Variants in TENM3 observed in about 807,000 individuals in gnomAD.
TENM3 encodes teneurin-3.
Under a neutral mutation model 255.1 loss-of-function variants are expected in TENM3, and 63 were observed. The observed-to-expected ratio is 0.25, with a 90% CI of 0.20 to 0.30. The LOEUF (loss-of-function observed/expected upper bound fraction) is 0.30. Ranked by LOEUF, TENM3 falls within the 10% of genes least tolerant of loss-of-function variation. TENM3 has a pLI of 1.00. For synonymous variants in TENM3, 1,306 were observed against 1,322.3 expected, an observed-to-expected ratio of 0.99 and a Z score of 0.27; for missense variants, 2,929 against 3,461.1, an observed-to-expected ratio of 0.85 and a Z score of 3.86.
the TENM3 span, among the ~76,000 whole-genome samples, chr4:181,570,705 G>A: frequency 6.6e-6 from 1 of 152,036 alleles, no homozygotes; most frequent in Non-Finnish European, 1.5e-5. Flanking sequence ...AGGCAGCGGA[G>A]TAGGTAAAGG....
At chr4:181,535,766 G>A in the TENM3 span, among the ~76,000 whole-genome samples, 1 of 152,196 alleles carries the variant, frequency 6.6e-6, no homozygotes, top group South Asian at 2.1e-4. Flanking sequence ...CTGCCAAGAT[G>A]CTCCCTGGTA....
intron 3 of TENM3, among the ~76,000 whole-genome samples, chr4:182,599,905 T>C (rs977987300): frequency 6.6e-6 from 1 of 152,256 alleles, no homozygotes; most frequent in Non-Finnish European, 1.5e-5. Context: ...AAGAGTCATC[T>C]ATCTGTTTGG....
intron 3 of TENM3, among the ~76,000 whole-genome samples, chr4:182,362,657 C>CA (rs1341384704): frequency 6.6e-6 from 1 of 152,180 alleles, no homozygotes; most frequent in Non-Finnish European, 1.5e-5. Flanking sequence ...AAGGGAACTC[C>CA]ATGACCCCTT....
intron 3 of TENM3, among the ~76,000 whole-genome samples, chr4:182,351,930 A>T (rs2150708813): frequency 6.6e-6 from 1 of 152,308 alleles, no homozygotes; most frequent in East Asian, 1.9e-4. Context: ...ACTCCCTGAC[A>T]TCTAGTGAGT....
chr4:181,659,204 C>G, the TENM3 span, among the ~76,000 whole-genome samples: 1 of 152,186 alleles, frequency 6.6e-6, no homozygotes, highest in East Asian at 1.9e-4. Flanking sequence ...TGTCACAAAC[C>G]GTTGTAGCAA....
intron 3 of TENM3, among the ~76,000 whole-genome samples, chr4:182,361,972 T>C (rs1318775401): frequency 6.6e-6 from 1 of 152,228 alleles, no homozygotes; most frequent in Non-Finnish European, 1.5e-5. Flanking sequence ...TGGAGTTTGC[T>C]AGAGGTCCAC....
intron 3 of TENM3, among the ~76,000 whole-genome samples, chr4:182,390,805 T>C (rs1265992533): frequency 6.6e-6 from 1 of 152,226 alleles, no homozygotes; most frequent in African/African-American, 2.4e-5. Flanking sequence ...TGGATATTGC[T>C]TCTGCCTTCT....
At chr4:181,463,109 A>T in the TENM3 span, among the ~76,000 whole-genome samples, 1 of 152,242 alleles carries the variant, frequency 6.6e-6, no homozygotes, top group Non-Finnish European at 1.5e-5. Context: ...CTTTATGGTC[A>T]GCAAAGCTTA....
At chr4:182,419,957 T>G (rs1770695083) in intron 3 of TENM3, among the ~76,000 whole-genome samples, 1 of 152,038 alleles carries the variant, frequency 6.6e-6, no homozygotes, top group Non-Finnish European at 1.5e-5. Context: ...ACATGGCACA[T>G]GTATACATAT....
chr4:181,471,668 A>G, the TENM3 span, among the ~76,000 whole-genome samples: 1 of 152,226 alleles, frequency 6.6e-6, no homozygotes, highest in African/African-American at 2.4e-5. Context: ...GGATACTTGT[A>G]GCTATCCTAA....
chr4:182,315,184 G>T (rs1762682699), intron 1 of TENM3, among the ~76,000 whole-genome samples: 1 of 152,128 alleles, frequency 6.6e-6, no homozygotes, highest in Non-Finnish European at 1.5e-5. Flanking sequence ...TAAATAGTAA[G>T]AACAATATCT....
intron 3 of TENM3, among the ~76,000 whole-genome samples, chr4:182,553,013 A>C (rs1742205913): frequency 6.6e-6 from 1 of 152,172 alleles, no homozygotes; most frequent in African/African-American, 2.4e-5. Context: ...AATCAGTAAA[A>C]AGCAAATGGT....
intron 1 of TENM3, among the ~76,000 whole-genome samples, chr4:182,270,653 A>C (rs985059714): frequency 3.9e-5 from 6 of 152,158 alleles, no homozygotes; most frequent in African/African-American, 1.4e-4. Context: ...CAAAATAAAG[A>C]AAGAAAGAGC....
chr4:182,772,928 T>C (rs890957607), intron 22 of TENM3, among the ~76,000 whole-genome samples: 16 of 152,214 alleles, frequency 1.1e-4, no homozygotes, highest in African/African-American at 3.9e-4. Context: ...CATTATGAAG[T>C]ATGTCAATCA....
intron 1 of TENM3, among the ~76,000 whole-genome samples, chr4:182,275,291 A>G (rs1053261166): frequency 6.6e-6 from 1 of 152,158 alleles, no homozygotes; most frequent in African/African-American, 2.4e-5. Flanking sequence ...CAGGTGCAGG[A>G]CTTGCCCCTG....
chr4:182,247,259 G>A (rs901540768), intron 1 of TENM3, among the ~76,000 whole-genome samples: 1 of 152,178 alleles, frequency 6.6e-6, no homozygotes, highest in Non-Finnish European at 1.5e-5. Context: ...GAGGAGTTTG[G>A]AAGAAAAACC....
chr4:182,728,128 C>A (rs4415001), intron 13 of TENM3, among the ~76,000 whole-genome samples: 25,130 of 152,104 alleles, frequency 0.17, 2,225 homozygotes, highest in Non-Finnish European at 0.21. Flanking sequence ...GGATTACAAG[C>A]ATGAGCCACT....
chr4:182,344,870 G>C (rs949440521), intron 2 of TENM3, among the ~76,000 whole-genome samples: 1 of 152,092 alleles, frequency 6.6e-6, no homozygotes, highest in East Asian at 1.9e-4. Context: ...TGTTCATGTG[G>C]ACACTGACCT....
chr4:182,681,848 T>C lies in TENM3; in HGVS notation c.1869T>C (p.Gly623=), dbSNP rs984537516. 1 of 1,613,848 alleles carries C rather than the reference T, an allele frequency of 6.2e-7. No homozygotes were observed. The highest frequency in any genetic ancestry group is 8.5e-7 in the Non-Finnish European group (1 of 1,179,808). Reference sequence around the variant, plus strand: ...TAGACCCTGGGTGTTCTAATCATGGTGTGTGTATCCACGGGGAATGTCACT... The same window carrying C: ...TAGACCCTGGGTGTTCTAATCATGGCGTGTGTATCCACGGGGAATGTCACT... ...DCIDPGCSNH[G]VCIHGECHCS... Residue 623 remains glycine, a synonymous_variant, in exon 11 of 28, where the codon GGT becomes GGC. Coordinates refer to ENST00000511685, the MANE Select transcript of TENM3 (RefSeq NM_001080477.4).
Sources: gnomAD v4.1 joint callset for allele counts (sites outside exome capture counted in the v4.1 genomes callset) on GRCh38, gnomAD v4.1.1 for gene constraint, MANE v1.5 for transcripts, NCBI Gene and HGNC (gene_info 2026-07-23, HGNC 2026-07-21) for gene names.